Variants in FGD5 observed in about 807,000 individuals in gnomAD.
The protein encoded by FGD5 is FYVE, RhoGEF and PH domain-containing protein 5.
A neutral mutation model predicts 133.4 loss-of-function variants in FGD5; 28 were observed. The ratio of observed to expected loss-of-function variants is 0.21; its 90% confidence interval spans 0.16 to 0.29. The LOEUF is 0.29. Among genes scored for constraint, FGD5 ranks in the 10% least tolerant of loss-of-function variants. FGD5 has a pLI of 1.00. For missense variants in FGD5, 1,858 were observed against 1,895.2 expected (o/e 0.98, Z 0.36); for synonymous variants, 810 against 776.5 (o/e 1.04, Z -0.72).
rs141080106 is a variant in FGD5, at chr3:14,897,471, C to T, written c.2749-38C>T. The T allele has an allele frequency of 8.1e-5, 128 of 1,583,880 alleles. No homozygotes were observed. The African/African-American group carries it at 1.5e-3, about 18-fold the overall frequency. On this transcript the variant is annotated intron_variant, in intron 4 of 19. Transcript: ENST00000285046. ...TGCCAAGGAGGACTTGTGCTCAGTC[C>T]TATCAACCTGTGGGTAACAGACCTT...
intron 1 of FGD5, among the ~76,000 whole-genome samples, chr3:14,863,170 A>G (rs1243970472): frequency 1.3e-5 from 2 of 152,222 alleles, no homozygotes; most frequent in Non-Finnish European, 2.9e-5. Flanking sequence ...CCCAGAGGGC[A>G]GGAGTATTTG....
At chr3:14,826,134 C>T (rs1001678153) in intron 1 of FGD5, among the ~76,000 whole-genome samples, 1 of 152,158 alleles carries the variant, frequency 6.6e-6, no homozygotes, top group African/African-American at 2.4e-5. Context: ...TTTTCCCCAA[C>T]ATTTTGTTAT....
chr3:14,889,505 G>A, intron 4 of FGD5, among the ~76,000 whole-genome samples: 1 of 152,146 alleles, frequency 6.6e-6, no homozygotes. Flanking sequence ...GTTTTAGAAA[G>A]CTGCTGTGAA....
At position 14,821,549 on chromosome 3, in the gene FGD5, C is replaced by T. The variant is rs2036503587; in HGVS notation, c.2478C>T (p.Phe826=). ...ATGGCTACGTGGACATGAGCAGCTT[C>T]AACGCCTTTGAGAGCAAACAGCAGA... The part of the protein sequence containing the change: ...ENDGYVDMSS[F]NAFESKQQSA... The change falls in exon 1 of 20, where the codon TTC becomes TTT. Residue 826 remains phenylalanine (F), a synonymous_variant. Transcript: ENST00000285046. The T allele has an allele frequency of 6.2e-7, 1 of 1,612,730 alleles. No individual in the cohort carries two copies. Among genetic ancestry groups the T allele is most frequent in the Non-Finnish European group, 8.5e-7 (1 of 1,179,060 alleles).
rs1051322632 is a variant in FGD5 at position 14,834,742 on chromosome 3, A to G, written c.2525+13146A>G. On this transcript the variant is annotated intron_variant, in intron 1 of 19. Coordinates refer to ENST00000285046, the MANE Select transcript of FGD5 (RefSeq NM_152536.4). ...GGCTCCTGTTCATTTTTTGTTCTGT[A>G]GAGGGAGAGAAGCCACAGGCGGGGC... 2.0e-5 allele frequency among the ~76,000 whole-genome samples: 3 copies of G among 152,140 alleles called. No homozygotes were observed. In the South Asian group the frequency reaches 6.2e-4, roughly 32 times the overall value.
At chr3:14,811,602 A>G (rs1444685882) in intron 1 of FGD5, among the ~76,000 whole-genome samples, 1 of 152,010 alleles carries the variant, frequency 6.6e-6, no homozygotes, top group East Asian at 1.9e-4. Context: ...TGCTCTATGA[A>G]TTTGACTCCC....
Position 14,933,412 on chromosome 3 carries a change from C to A in FGD5, c.*245C>A. 1 of 529,224 alleles carries A rather than the reference C, an allele frequency of 1.9e-6. No homozygotes were observed. Among genetic ancestry groups the A allele is most frequent in the Admixed American group, 3.3e-5 (1 of 30,698 alleles). The allele number at this position is 529,224 out of a possible 1,614,324, so 32.8% of individuals were successfully genotyped here. A position where few individuals can be genotyped will look rare whatever the true frequency, so the allele number is the denominator to read the frequency against. On this transcript the variant is annotated 3_prime_UTR_variant, in exon 20 of 20. Transcript: ENST00000285046. ...TCCACCCCTACCCCCACCCGCCACC[C>A]AGTAATAAACTATTTCCTTACCCCG...
At position 14,820,850 on chromosome 3, in the gene FGD5, G is replaced by T; in HGVS notation, c.1779G>T (p.Gly593=). The T allele has an allele frequency of 1.3e-5, 21 of 1,613,638 alleles. No homozygotes were observed. The highest frequency in any genetic ancestry group is 1.7e-5 in the Non-Finnish European group (20 of 1,179,788). Residue 593 remains glycine, a synonymous_variant, in exon 1 of 20, where the codon GGG becomes GGT. Coordinates refer to ENST00000285046, the MANE Select transcript of FGD5 (RefSeq NM_152536.4). ...TGTCGTGTGTAATTGGCTCCTCTGG[G>T]AGTTTCTCCCAGAGAAACCACCTTC... The part of the protein sequence containing the change: ...LSLSCVIGSS[G]SFSQRNHLPS...
At chr3:14,834,855 C>T (rs1416361047) in intron 1 of FGD5, among the ~76,000 whole-genome samples, 3 of 152,216 alleles carry the variant, frequency 2.0e-5, no homozygotes, top group East Asian at 1.9e-4. Flanking sequence ...TTTACAAGAA[C>T]GGAAATGAAG....
rs1395989126 is a variant in FGD5, at chr3:14,924,202, G to A, written c.4068+64G>A. The A allele has an allele frequency of 3.1e-6, 5 of 1,610,780 alleles. No individual in the cohort carries two copies. The African/African-American group carries it at 5.3e-5, about 17-fold the overall frequency. ...TTTGGAAGGTTCATGGTCATCCTGG[G>A]TAGACGGAGTCAGACCCTGCCCTGT... On this transcript the variant is annotated intron_variant, in intron 17 of 19. Transcript: ENST00000285046.
chr3:14,839,987 G>C lies in FGD5; in HGVS notation c.2525+18391G>C, dbSNP rs542142517. ...AAACAGTGTTTTACAAAAAGCCACAGGCACTCCCAAAATTCAGATCTGCAG... is the reference window on the plus strand; with the variant it reads ...AAACAGTGTTTTACAAAAAGCCACACGCACTCCCAAAATTCAGATCTGCAG... On this transcript the variant is annotated intron_variant, in intron 1 of 19. Coordinates refer to ENST00000285046, the MANE Select transcript of FGD5 (RefSeq NM_152536.4). 1.1e-4 allele frequency among the ~76,000 whole-genome samples: 17 copies of C among 151,602 alleles called. No individual in the cohort carries two copies. In the South Asian group the frequency reaches 2.9e-3, roughly 26 times the overall value.
chr3:14,837,069 G>C (rs772321445), intron 1 of FGD5, among the ~76,000 whole-genome samples: 1 of 152,190 alleles, frequency 6.6e-6, no homozygotes, highest in Non-Finnish European at 1.5e-5. Context: ...GGACAGAAAG[G>C]AGGTGAGAGT....
chr3:14,857,060 A>C (rs922993180), intron 1 of FGD5, among the ~76,000 whole-genome samples: 2 of 152,134 alleles, frequency 1.3e-5, no homozygotes, highest in East Asian at 1.9e-4. Context: ...TCTGCACCTA[A>C]TTTATTGAGA....
Position 14,820,155 on chromosome 3 carries a change from T to C in FGD5, c.1084T>C (p.Cys362Arg). 1 of 1,614,042 alleles carries C rather than the reference T, an allele frequency of 6.2e-7. No homozygotes were observed. Among genetic ancestry groups the C allele is most frequent in the African/African-American group, 1.3e-5 (1 of 75,070 alleles). Reference sequence around the variant, plus strand: ...GAGCACCTCTTTTTGCAGCGAGAGCTGTTCTCCTCTTTCTGAATCAGCGAA... The same window carrying C: ...GAGCACCTCTTTTTGCAGCGAGAGCCGTTCTCCTCTTTCTGAATCAGCGAA... Reference protein sequence around the residue: ...TESTSFCSESCSPLSESAKGL... With the variant: ...TESTSFCSESRSPLSESAKGL... Residue 362 changes from cysteine (C) to arginine (R), a missense_variant, in exon 1 of 20, where the codon TGT (cysteine) becomes CGT (arginine). Around this residue, in one of 3 missense-constraint regions of FGD5, gnomAD observed 1,824 missense variants for 1,848.9 expected, o/e 0.99. Transcript: ENST00000285046.
chr3:14,919,435 A>G (rs183316327), intron 13 of FGD5, among the ~76,000 whole-genome samples: 350 of 152,166 alleles, frequency 2.3e-3, no homozygotes, highest in African/African-American at 8.0e-3. Context: ...TGGCTAACAC[A>G]GTGAAACCCC....
At chr3:14,866,744 A>G (rs976651903) in intron 2 of FGD5, among the ~76,000 whole-genome samples, 27 of 152,188 alleles carry the variant, frequency 1.8e-4, no homozygotes, top group African/African-American at 5.8e-4. Context: ...CAGGGAAGCA[A>G]TCTGCCCAAG....
intron 1 of FGD5, among the ~76,000 whole-genome samples, chr3:14,844,215 AAAATATATATATATATATAT>A (rs1397238154): frequency 1.2e-3 from 34 of 27,500 alleles, no homozygotes; most frequent in African/African-American, 2.1e-3. Context: ...AAAAAAAAAA[AAAATATATATATATATATAT>A]ATATATATAT....
At chr3:14,882,463 C>T (rs112211127) in intron 4 of FGD5, 38,783 of 498,730 alleles carry the variant, frequency 0.078, 1,876 homozygotes, top group East Asian at 0.23. Flanking sequence ...TTTGGGAGGC[C>T]GAGGTGGGCT....
intron 1 of FGD5, among the ~76,000 whole-genome samples, chr3:14,859,547 G>A (rs926510157): frequency 6.6e-6 from 1 of 151,078 alleles, no homozygotes; most frequent in South Asian, 2.1e-4. Context: ...GTGACAGAGC[G>A]AGACCTCCCC....
Sources: allele counts gnomAD v4.1 joint callset (sites outside exome capture counted in the v4.1 genomes callset), GRCh38; gene constraint gnomAD v4.1.1; regional missense constraint gnomAD v4.1.1; transcripts MANE v1.5; gene names NCBI Gene and HGNC (gene_info 2026-07-23, HGNC 2026-07-21).